Variants in EFCAB5 observed in about 807,000 individuals in gnomAD.
The protein encoded by EFCAB5 is EF-hand calcium binding domain 5.
EFCAB5 carries 131 observed loss-of-function variants against 167.9 expected under a neutral mutation model. The observed-to-expected ratio is 0.78, with a 90% CI of 0.68 to 0.90. The LOEUF (loss-of-function observed/expected upper bound fraction) is 0.90. EFCAB5 is among the 40% of genes least tolerant of loss of function. EFCAB5 has a pLI of 0.00. For missense variants in EFCAB5, 1,663 were observed against 1,745.2 expected, an observed-to-expected ratio of 0.95 and a Z score of 0.84; for synonymous variants, 574 against 602.8, an observed-to-expected ratio of 0.95 and a Z score of 0.70.
At chr17:29,961,080 C>T (rs1245381367) in intron 3 of EFCAB5, among the ~76,000 whole-genome samples, 10 of 152,094 alleles carry the variant, frequency 6.6e-5, no homozygotes, top group Admixed American at 6.6e-4. Context: ...CATGAGAGTT[C>T]CAATTTCTGT....
At chr17:29,955,309 G>A (rs1381144407) in intron 3 of EFCAB5, among the ~76,000 whole-genome samples, 3 of 152,140 alleles carry the variant, frequency 2.0e-5, no homozygotes, top group Non-Finnish European at 4.4e-5. Context: ...CACGTGTCAT[G>A]GGAGGGACCT....
At chr17:30,069,229 A>G (rs2151815464) in intron 14 of EFCAB5, 2 of 1,545,194 alleles carry the variant, frequency 1.3e-6, no homozygotes, top group South Asian at 2.2e-5. Flanking sequence ...CTGCCACTGA[A>G]GAACATCCAG....
chr17:30,065,938 T>C (rs561902119), intron 14 of EFCAB5, among the ~76,000 whole-genome samples: 13,383 of 152,190 alleles, frequency 0.088, 1,303 homozygotes, highest in African/African-American at 0.24. Flanking sequence ...GTCAGAGCAC[T>C]CTGATATTAT....
intron 7 of EFCAB5, among the ~76,000 whole-genome samples, chr17:30,013,974 G>A (rs901616697): frequency 5.4e-5 from 8 of 147,684 alleles, no homozygotes; most frequent in Admixed American, 2.1e-4. Context: ...ACTGCTTTAA[G>A]TGTGTCCCAG....
intron 4 of EFCAB5, chr17:29,972,580 TG>T (rs1263173868): frequency 2.0e-5 from 3 of 152,358 alleles, no homozygotes; most frequent in Non-Finnish European, 4.4e-5. Flanking sequence ...TGCCTGCTCT[TG>T]CGCCCGGCTC....
At chr17:30,031,021 AT>A (rs200887371) in intron 7 of EFCAB5, among the ~76,000 whole-genome samples, 7 of 151,488 alleles carry the variant, frequency 4.6e-5, no homozygotes, top group Middle Eastern at 3.2e-3. Flanking sequence ...CCAAATACCA[AT>A]TTTTTTTTCA....
At chr17:30,086,037 C>T (rs1254507815) in intron 18 of EFCAB5, among the ~76,000 whole-genome samples, 5 of 151,884 alleles carry the variant, frequency 3.3e-5, no homozygotes, top group Non-Finnish European at 2.9e-5. Context: ...ACTCTGTTGC[C>T]CAGGCTGAAG....
chr17:30,103,020 G>A lies in EFCAB5; in HGVS notation c.4322-4814G>A, dbSNP rs1048946533. 3.3e-5 allele frequency among the ~76,000 whole-genome samples: 5 copies of A among 151,576 alleles called. No homozygotes were observed. The East Asian group carries it at 9.7e-4, about 29-fold the overall frequency. ...TGCCCAGCTAATTTTTGTATTTTTT[G>A]TAGAGACAGACCATGTTGCCCAGGC... On this transcript the variant is annotated intron_variant, in intron 22 of 22. Transcript: ENST00000394835.
chr17:30,028,567 T>C (rs745485639), intron 7 of EFCAB5, among the ~76,000 whole-genome samples: 1 of 152,196 alleles, frequency 6.6e-6, no homozygotes, highest in Non-Finnish European at 1.5e-5. Context: ...TACCCTCCAA[T>C]TGGATGTGTC....
At chr17:30,027,293 C>CT (rs906468665) in intron 7 of EFCAB5, among the ~76,000 whole-genome samples, 1,326 of 67,342 alleles carry the variant, frequency 0.02, 52 homozygotes, top group African/African-American at 0.036. Context: ...CCACACCAGT[C>CT]TTTTTTTTTT....
At position 30,057,130 on chromosome 17, in the gene EFCAB5, T is replaced by C. The variant is rs78693581; in HGVS notation, c.2366-546T>C. Among the ~76,000 whole-genome samples the C allele has an allele frequency of 5.2e-3, 789 of 152,318 alleles. 8 individuals are homozygous for C. The highest frequency in any genetic ancestry group is 0.018 in the African/African-American group (747 of 41,578). On this transcript the variant is annotated intron_variant, in intron 12 of 22. Transcript: ENST00000394835. ...TGGTGGTGGTATTTAGTAATTTGTT[T>C]AACTAGAAAGTTCAGCGTGCAGCTG...
intron 22 of EFCAB5, among the ~76,000 whole-genome samples, chr17:30,098,831 C>T (rs912930984): frequency 6.6e-6 from 1 of 152,194 alleles, no homozygotes; most frequent in Non-Finnish European, 1.5e-5. Flanking sequence ...CCTCTAGCTC[C>T]TGGGAGCCAC....
At chr17:29,945,316 T>G (rs2067376572) in intron 3 of EFCAB5, among the ~76,000 whole-genome samples, 1 of 149,714 alleles carries the variant, frequency 6.7e-6, no homozygotes, top group Non-Finnish European at 1.5e-5. Context: ...GGTGCTGGGT[T>G]TTTTTTTTTC....
intron 19 of EFCAB5, 132 bp from the exon 20 acceptor site, chr17:30,090,289 A>C (rs2071169323): frequency 6.0e-6 from 7 of 1,166,434 alleles, no homozygotes; most frequent in Non-Finnish European, 8.3e-6. Flanking sequence ...TGCTCCAGGC[A>C]GATGAAACAG....
chr17:29,996,721 G>T (rs1597641919), intron 6 of EFCAB5, among the ~76,000 whole-genome samples: 1 of 152,254 alleles, frequency 6.6e-6, no homozygotes, highest in East Asian at 1.9e-4. Context: ...ATATGCACTG[G>T]CTAGGCATGG....
At chr17:29,990,049 A>G (rs1293150954) in intron 4 of EFCAB5, among the ~76,000 whole-genome samples, 1 of 152,166 alleles carries the variant, frequency 6.6e-6, no homozygotes, top group Non-Finnish European at 1.5e-5. Flanking sequence ...CCATTGTGGT[A>G]ATAAATCTCT....
Position 30,031,118 on chromosome 17 carries a change from C to A in EFCAB5, c.1045-3112C>A, listed in dbSNP as rs114461426. Among the ~76,000 whole-genome samples, 1,159 of 152,158 alleles carry A rather than the reference C, an allele frequency of 7.6e-3. 18 individuals are homozygous for A. The highest frequency in any genetic ancestry group is 0.027 in the African/African-American group (1,106 of 41,494). On this transcript the variant is annotated intron_variant, in intron 7 of 22. Transcript: ENST00000394835. ...TATGAGTAATATAGAAAAATACCTA[C>A]TAGTCAAGTAAAAAGTCATTAAGGA...
chr17:30,073,828 A>G, intron 14 of EFCAB5: 1 of 443,640 alleles, frequency 2.3e-6, no homozygotes, highest in Non-Finnish European at 4.2e-6. Context: ...CAAGAGGCAG[A>G]GGCAGGAAGA....
At chr17:30,002,642 G>A (rs143101962) in intron 7 of EFCAB5, among the ~76,000 whole-genome samples, 5 of 152,284 alleles carry the variant, frequency 3.3e-5, no homozygotes, top group Admixed American at 2.6e-4. Context: ...GTATTTACCT[G>A]TGTTTTTTGC....
Sources: allele counts gnomAD v4.1 joint callset (sites outside exome capture counted in the v4.1 genomes callset), GRCh38; gene constraint gnomAD v4.1.1; transcripts MANE v1.5; gene names NCBI Gene and HGNC (gene_info 2026-07-23, HGNC 2026-07-21).